The following MTMR3 variants were observed in gnomAD, a reference collection of about 807,000 sequenced individuals.
MTMR3 encodes the protein myotubularin related protein 3.
Under a neutral mutation model 132.4 loss-of-function variants are expected in MTMR3, and 32 were observed. The ratio of observed to expected loss-of-function variants is 0.24; its 90% CI spans 0.18 to 0.32. MTMR3 has a LOEUF of 0.32. Among genes scored for constraint, MTMR3 ranks in the 10% least tolerant of loss-of-function variants. The pLI is 1.00. For missense variants in MTMR3, 1,216 were observed against 1,489.6 expected, an observed-to-expected ratio of 0.82 and a Z score of 3.02; for synonymous variants, 556 against 550.3, an observed-to-expected ratio of 1.01 and a Z score of -0.14.
chr22:29,992,653 G>A (rs542909750), intron 7 of MTMR3: 4 of 152,294 alleles, frequency 2.6e-5, no homozygotes, highest in Admixed American at 2.6e-4. Flanking sequence ...CCTCCTTCAA[G>A]TAAAGTTTAC....
chr22:29,934,221 G>A (rs2065703451), intron 1 of MTMR3, among the ~76,000 whole-genome samples: 1 of 152,098 alleles, frequency 6.6e-6, no homozygotes, highest in Non-Finnish European at 1.5e-5. Flanking sequence ...GGGCATTGTG[G>A]CGGGCACCTG....
intron 3 of MTMR3, among the ~76,000 whole-genome samples, chr22:29,973,907 G>A (rs1318858244): frequency 2.0e-5 from 3 of 152,262 alleles, no homozygotes; most frequent in East Asian, 3.9e-4. Flanking sequence ...CCCTTCCCAT[G>A]TACTTTAAAT....
intron 7 of MTMR3, chr22:29,996,443 AGTG>A (rs1016431444): frequency 1.6e-4 from 24 of 152,330 alleles, no homozygotes; most frequent in African/African-American, 5.5e-4. Context: ...TTATTTTGCC[AGTG>A]GTTATTTTTA....
intron 1 of MTMR3, among the ~76,000 whole-genome samples, chr22:29,910,177 A>G (rs970435008): frequency 2.8e-4 from 42 of 151,914 alleles, no homozygotes; most frequent in Non-Finnish European, 5.3e-4. Context: ...AAAAAAAAAG[A>G]AAGTGGGCCC....
chr22:29,947,707 T>G (rs2145824764), intron 1 of MTMR3, among the ~76,000 whole-genome samples: 1 of 152,334 alleles, frequency 6.6e-6, no homozygotes, highest in African/African-American at 2.4e-5. Context: ...CTTCCTTAAG[T>G]AAAGCATGTT....
chr22:29,976,932 G>A (rs1047842096), intron 3 of MTMR3, among the ~76,000 whole-genome samples: 2 of 152,172 alleles, frequency 1.3e-5, no homozygotes, highest in African/African-American at 2.4e-5. Context: ...GAAGCAACCA[G>A]TAACCACTGG....
chr22:30,020,855 C>T lies in MTMR3; in HGVS notation c.3196C>T (p.His1066Tyr). 1 of 1,600,904 alleles carries T rather than the reference C, an allele frequency of 6.2e-7. No homozygotes were observed. Among genetic ancestry groups the T allele is most frequent in the South Asian group, 1.1e-5 (1 of 89,466 alleles). The change falls in exon 17 of 20, where the codon CAC becomes TAC. Residue 1066 changes from histidine to tyrosine, a missense_variant. Transcript: ENST00000401950. ...LESQYLTSSL[H>Y]FNGDFGDEVT... ...GAGCCAGTACCTGACCAGCTCCCTA[C>T]ACTTTAATGGAGACTTTGGGGATGA... is the stretch of plus-strand genomic sequence containing the variant.
rs181662646 is a variant in MTMR3 at position 29,926,298 on chromosome 22, C to G, written c.-137-30738C>G. Among the ~76,000 whole-genome samples, 308 of 152,242 alleles carry G rather than the reference C, an allele frequency of 2.0e-3. 1 individual carries two copies. The highest frequency in any genetic ancestry group is 3.5e-3 in the Admixed American group (54 of 15,298). Reference sequence around the variant, plus strand: ...CACATTTTGTTCATCCGTCAGTGATCATTTGGGTTTTTATTATTTTACTAT... The same window carrying G: ...CACATTTTGTTCATCCGTCAGTGATGATTTGGGTTTTTATTATTTTACTAT... On this transcript the variant is annotated intron_variant, in intron 1 of 19. Transcript: ENST00000401950.
At chr22:30,007,371 T>G (rs1323407150) in intron 10 of MTMR3, 52 bp downstream of exon 10, 2 of 1,553,572 alleles carry the variant, frequency 1.3e-6, no homozygotes, top group African/African-American at 1.4e-5. Flanking sequence ...TCTAAGAACC[T>G]TTTCTTGAAA....
chr22:29,998,793 G>T lies in MTMR3; in HGVS notation c.493G>T (p.Val165Leu). ...TGTAACTTCAAGGTTTAAAAACGAG[G>T]TGGAGAGGATGGGTTTTGATATGAA... ...EHVTSRFKNE[V>L]ERMGFDMNNA... is the part of the protein sequence containing the mutation. The change falls in exon 8 of 20, where the codon GTG becomes TTG. Residue 165 changes from valine to leucine, a missense_variant. Around this residue, in one of 7 missense-constraint regions of MTMR3, gnomAD observed 129 missense variants for 245.7 expected, o/e 0.53. Coordinates refer to ENST00000401950, the MANE Select transcript of MTMR3 (RefSeq NM_021090.4). 6.2e-7 allele frequency: 1 copy of T among 1,613,184 alleles called. No individual in the cohort carries two copies. Among genetic ancestry groups the T allele is most frequent in the Non-Finnish European group, 8.5e-7 (1 of 1,179,500 alleles).
intron 1 of MTMR3, among the ~76,000 whole-genome samples, chr22:29,896,074 C>T (rs929893713): frequency 2.6e-5 from 4 of 152,148 alleles, no homozygotes; most frequent in Admixed American, 6.5e-5. Context: ...CTTTGGGAGG[C>T]GGAGGTGGGC....
At chr22:29,952,214 T>C (rs1202298327) in intron 1 of MTMR3, among the ~76,000 whole-genome samples, 1 of 152,082 alleles carries the variant, frequency 6.6e-6, no homozygotes, top group Non-Finnish European at 1.5e-5. Flanking sequence ...ACTTACTAGA[T>C]TTTTTTCCCC....
chr22:29,908,334 T>C (rs531931041), intron 1 of MTMR3, among the ~76,000 whole-genome samples: 1 of 152,358 alleles, frequency 6.6e-6, no homozygotes, highest in East Asian at 1.9e-4. Context: ...ACACTGTAGC[T>C]ACTGCTTCCT....
intron 3 of MTMR3, among the ~76,000 whole-genome samples, chr22:29,977,382 A>C (rs566762792): frequency 6.6e-6 from 1 of 152,364 alleles, no homozygotes; most frequent in South Asian, 2.1e-4. Context: ...CCTATACCAT[A>C]AAAATTCATA....
At chr22:29,926,707 G>C (rs2065524498) in intron 1 of MTMR3, among the ~76,000 whole-genome samples, 1 of 152,050 alleles carries the variant, frequency 6.6e-6, no homozygotes, top group Admixed American at 6.6e-5. Flanking sequence ...TGTTTATTTA[G>C]ATTCTTTGCC....
intron 1 of MTMR3, among the ~76,000 whole-genome samples, chr22:29,892,774 CT>C (rs765069656): frequency 6.6e-6 from 1 of 152,084 alleles, no homozygotes; most frequent in Non-Finnish European, 1.5e-5. Flanking sequence ...TGAGTGATTA[CT>C]TTTTTGCCAG....
In MTMR3 at chr22:30,022,525, C is replaced by T. The variant is rs1489835908; in HGVS notation, c.3337-84C>T. On this transcript the variant is annotated intron_variant, in intron 18 of 19. Coordinates refer to ENST00000401950, the MANE Select transcript of MTMR3 (RefSeq NM_021090.4). ...ACTGGAGCTGATGTGGTCCTTGTGA[C>T]TCTTGCTGCCCCCAGCATGGCTCTG... The T allele has an allele frequency of 2.5e-6, 3 of 1,210,128 alleles. No individual in the cohort carries two copies. In the East Asian group the frequency reaches 7.1e-5, roughly 29 times the overall value. 75.0% of individuals were successfully genotyped at this position (1,210,128 alleles called of 1,614,324 possible). A position where few individuals can be genotyped will look rare whatever the true frequency, so the allele number is the denominator to read the frequency against.
chr22:29,931,561 C>G (rs1035658849), intron 1 of MTMR3, among the ~76,000 whole-genome samples: 1 of 152,076 alleles, frequency 6.6e-6, no homozygotes, highest in Non-Finnish European at 1.5e-5. Context: ...ACTATGGGCG[C>G]GTGCCCTCAT....
In MTMR3 at chr22:30,027,794, A is replaced by G. The variant is rs776349178; in HGVS notation, c.*1993A>G. On this transcript the variant is annotated 3_prime_UTR_variant, in exon 20 of 20. Transcript: ENST00000401950. The stretch of plus-strand genomic sequence containing the variant: ...ATTTTTCATTTTTTGTCAAAGCAAG[A>G]AGTAAATACTTTAGAATTGTTAAAT... 6.6e-6 allele frequency: 1 copy of G among 152,540 alleles called. No homozygotes were observed. The highest frequency in any genetic ancestry group is 1.5e-5 in the Non-Finnish European group (1 of 68,042). The allele number at this position is 152,540 out of a possible 1,614,324, so 9.4% of individuals were successfully genotyped here. A position where few individuals can be genotyped will look rare whatever the true frequency, so the allele number is the denominator to read the frequency against.
Sources: gnomAD v4.1 joint callset for allele counts (sites outside exome capture counted in the v4.1 genomes callset) on GRCh38, gnomAD v4.1.1 for gene constraint, gnomAD v4.1.1 regional missense constraint, MANE v1.5 for transcripts, NCBI Gene and HGNC (gene_info 2026-07-23, HGNC 2026-07-21) for gene names.